PTPN13: variants seen among roughly 807,000 people sequenced by gnomAD.
The protein encoded by PTPN13 is tyrosine-protein phosphatase non-receptor type 13.
In PTPN13, 191 loss-of-function variants were observed where a neutral mutation model predicts 284.0. The observed-to-expected ratio is 0.67, with a 90% CI of 0.60 to 0.76. The LOEUF (loss-of-function observed/expected upper bound fraction) is 0.76. Among genes scored for constraint, PTPN13 ranks in the 30% least tolerant of loss-of-function variants. PTPN13 has a pLI of 0.00. For missense variants in PTPN13, 2,797 were observed against 2,939.9 expected, an observed-to-expected ratio of 0.95 and a Z score of 1.12; for synonymous variants, 986 against 1,022.3, an observed-to-expected ratio of 0.96 and a Z score of 0.68.
chr4:86,689,593 G>A, intron 5 of PTPN13: 1 of 697,424 alleles, frequency 1.4e-6, no homozygotes, highest in Non-Finnish European at 2.6e-6. Context: ...CCTGTTTCGT[G>A]ACCACTCATT....
At chr4:86,814,251 C>T (rs1321549419) in intron 47 of PTPN13, among the ~76,000 whole-genome samples, 1 of 151,538 alleles carries the variant, frequency 6.6e-6, no homozygotes, top group Non-Finnish European at 1.5e-5. Flanking sequence ...GTGATCCACC[C>T]GCCTCAGCCT....
rs1209428734 is a variant in PTPN13, at chr4:86,799,759, A to G, written c.6505+555A>G. Among the ~76,000 whole-genome samples the G allele has an allele frequency of 2.0e-5, 3 of 151,194 alleles. No individual in the cohort carries two copies. The East Asian group carries it at 5.9e-4, about 30-fold the overall frequency. ...TGGAGTAAAACATGCAAATAAATGT[A>G]TACATACTTTAAGTGGAAATATGAA... is the stretch of plus-strand genomic sequence containing the variant. On this transcript the variant is annotated intron_variant, in intron 42 of 47. Transcript: ENST00000411767.
At chr4:86,689,790 C>G (rs563258673) in intron 5 of PTPN13, 10 of 701,122 alleles carry the variant, frequency 1.4e-5, no homozygotes, top group Middle Eastern at 2.3e-4. Flanking sequence ...CTATATATTA[C>G]CTGAAAGTCC....
At chr4:86,638,422 C>T (rs1723322531) in intron 2 of PTPN13, among the ~76,000 whole-genome samples, 1 of 152,170 alleles carries the variant, frequency 6.6e-6, no homozygotes, top group African/African-American at 2.4e-5. Context: ...TACCTGACTT[C>T]AAACTATACT....
chr4:86,714,850 T>C (rs1732836983), intron 7 of PTPN13, among the ~76,000 whole-genome samples: 2 of 152,182 alleles, frequency 1.3e-5, no homozygotes, highest in Non-Finnish European at 2.9e-5. Context: ...AGAGAACTTA[T>C]AATTTAGTTG....
intron 3 of PTPN13, among the ~76,000 whole-genome samples, chr4:86,680,410 TATCTCTGTCTCC>T (rs1156382900): frequency 8.5e-5 from 13 of 152,054 alleles, no homozygotes; most frequent in African/African-American, 3.1e-4. Flanking sequence ...TCTCTATCTC[TATCTCTGTCTCC>T]ATCTCTGGTT....
rs1005965892 is a variant in PTPN13, at chr4:86,667,552, T to G, written c.116-4813T>G. ...AAAATGTTAAAATGTAGGGGAACTA[T>G]TCTGAACCATTTATTTTCTATTTGT... On this transcript the variant is annotated intron_variant, in intron 2 of 47. Coordinates refer to ENST00000411767, the MANE Select transcript of PTPN13 (RefSeq NM_080683.3). Among the ~76,000 whole-genome samples the G allele has an allele frequency of 4.6e-5, 7 of 152,330 alleles. No individual in the cohort carries two copies. In the South Asian group the frequency reaches 6.2e-4, roughly 14 times the overall value.
intron 14 of PTPN13, among the ~76,000 whole-genome samples, chr4:86,735,237 G>A (rs975926382): frequency 1.3e-5 from 2 of 152,116 alleles, no homozygotes; most frequent in Non-Finnish European, 2.9e-5. Flanking sequence ...TTACTGTGTG[G>A]AGAACTCACA....
chr4:86,649,607 C>T lies in PTPN13; in HGVS notation c.115+14236C>T, dbSNP rs568693975. 2.6e-5 allele frequency among the ~76,000 whole-genome samples: 4 copies of T among 152,210 alleles called. No homozygotes were observed. The South Asian group carries it at 8.3e-4, about 32-fold the overall frequency. ...CTATATGTCTGTTTCTATGTTAATA[C>T]CATGCTGTTTTGGTATCTATAGCTT... is the stretch of plus-strand genomic sequence containing the variant. On this transcript the variant is annotated intron_variant, in intron 2 of 47. Coordinates refer to ENST00000411767, the MANE Select transcript of PTPN13 (RefSeq NM_080683.3).
intron 3 of PTPN13, among the ~76,000 whole-genome samples, chr4:86,685,727 T>G (rs1293998221): frequency 6.6e-6 from 1 of 152,234 alleles, no homozygotes; most frequent in Non-Finnish European, 1.5e-5. Context: ...GAAAAACTCT[T>G]ACATGTACAA....
intron 33 of PTPN13, among the ~76,000 whole-genome samples, chr4:86,774,765 G>A (rs1740428337): frequency 1.3e-5 from 2 of 151,238 alleles, no homozygotes; most frequent in African/African-American, 2.4e-5. Context: ...TGCACAACGT[G>A]CAGGTTTGTT....
chr4:86,688,688 C>T (rs896392409), intron 4 of PTPN13, among the ~76,000 whole-genome samples: 12 of 151,826 alleles, frequency 7.9e-5, no homozygotes, highest in Non-Finnish European at 1.5e-4. Flanking sequence ...TTTGTGTGTG[C>T]GTGTGTACAT....
chr4:86,647,661 A>C (rs1049921918), intron 2 of PTPN13, among the ~76,000 whole-genome samples: 1 of 152,158 alleles, frequency 6.6e-6, no homozygotes, highest in African/African-American at 2.4e-5. Flanking sequence ...ACCTCCAAAT[A>C]GGACTGTATC....
At chr4:86,756,007 T>C (rs1713726776) in intron 20 of PTPN13, among the ~76,000 whole-genome samples, 1 of 151,614 alleles carries the variant, frequency 6.6e-6, no homozygotes, top group Non-Finnish European at 1.5e-5. Context: ...GGGTTTTGAT[T>C]TTCTGGGAAC....
At chr4:86,669,414 A>G (rs1395926158) in intron 2 of PTPN13, among the ~76,000 whole-genome samples, 2 of 151,590 alleles carry the variant, frequency 1.3e-5, no homozygotes, top group East Asian at 1.9e-4. Flanking sequence ...CACATTGTAC[A>G]TATGTACCAA....
At position 86,644,121 on chromosome 4, in the gene PTPN13, A is replaced by G. The variant is rs552284667; in HGVS notation, c.115+8750A>G. ...CAACCCGAATTGTCCTATATCTATTAAGATGATTGATTTTTTTTTTTTTCT... is the reference window on the plus strand; with the variant it reads ...CAACCCGAATTGTCCTATATCTATTGAGATGATTGATTTTTTTTTTTTTCT... On this transcript the variant is annotated intron_variant, in intron 2 of 47. Transcript: ENST00000411767. 2.2e-4 allele frequency among the ~76,000 whole-genome samples: 34 copies of G among 152,188 alleles called. 1 individual carries two copies. The South Asian group carries it at 6.0e-3, about 27-fold the overall frequency.
chr4:86,711,035 C>T (rs1486748444), intron 7 of PTPN13, among the ~76,000 whole-genome samples: 5 of 150,608 alleles, frequency 3.3e-5, no homozygotes, highest in South Asian at 2.1e-4. Flanking sequence ...GCAATTCTCT[C>T]GCCTCAGCCT....
At chr4:86,648,069 A>T (rs1363256286) in intron 2 of PTPN13, among the ~76,000 whole-genome samples, 1 of 152,144 alleles carries the variant, frequency 6.6e-6, no homozygotes, top group Middle Eastern at 3.2e-3. Flanking sequence ...TCTTCAACAG[A>T]TTAAACAGAA....
chr4:86,725,971 A>G (rs909741547), intron 10 of PTPN13, among the ~76,000 whole-genome samples: 1 of 149,618 alleles, frequency 6.7e-6, no homozygotes, highest in East Asian at 1.9e-4. Context: ...TTAAGTCCTT[A>G]ATCCATTGTG....
Sources: gnomAD v4.1 joint callset for allele counts (sites outside exome capture counted in the v4.1 genomes callset) on GRCh38, gnomAD v4.1.1 for gene constraint, MANE v1.5 for transcripts, NCBI Gene and HGNC (gene_info 2026-07-23, HGNC 2026-07-21) for gene names.